Variants in TXNDC9 observed in about 807,000 individuals in gnomAD.
TXNDC9 encodes thioredoxin domain-containing protein 9.
Under a neutral mutation model 23.0 loss-of-function variants are expected in TXNDC9, and 7 were observed. That is an observed-to-expected ratio of 0.30 (90% CI 0.17 to 0.57). TXNDC9 has a LOEUF of 0.57. TXNDC9 is among the 20% of genes least tolerant of loss of function. The probability of loss-of-function intolerance (pLI) is 0.90; values close to 1 mark genes in which losing one functional copy is unlikely to be tolerated. For missense variants in TXNDC9, 198 were observed against 252.6 expected (o/e 0.78, Z 1.47); for synonymous variants, 72 against 90.6 (o/e 0.79, Z 1.17).
chr2:99,333,947 G>C (rs1452675342), intron 1 of TXNDC9, among the ~76,000 whole-genome samples: 2 of 152,052 alleles, frequency 1.3e-5, no homozygotes, highest in African/African-American at 4.8e-5. Flanking sequence ...CTAAATTTTG[G>C]GTTTTTTTCC....
the TXNDC9 span, among the ~76,000 whole-genome samples, chr2:99,309,921 G>T: frequency 1.3e-5 from 2 of 152,002 alleles, no homozygotes; most frequent in Non-Finnish European, 2.9e-5. Flanking sequence ...CTGACCTTAG[G>T]TGATCCACCT....
At chr2:99,316,484 A>G (rs1045860285), downstream of TXNDC9, among the ~76,000 whole-genome samples, 3 of 151,996 alleles carry the variant, frequency 2.0e-5, no homozygotes, top group African/African-American at 7.2e-5. Flanking sequence ...GTTTTCTTAT[A>G]CACAATGAGT....
intron 4 of TXNDC9, among the ~76,000 whole-genome samples, chr2:99,320,095 G>C (rs1281932582): frequency 6.6e-6 from 1 of 152,124 alleles, no homozygotes; most frequent in Non-Finnish European, 1.5e-5. Flanking sequence ...GCAACCTCCA[G>C]TTCCTGGGCT....
intron 3 of TXNDC9, among the ~76,000 whole-genome samples, chr2:99,325,740 G>A (rs1363481373): frequency 6.6e-6 from 1 of 152,258 alleles, no homozygotes. Flanking sequence ...GCCGGGTGCC[G>A]TGGCTCATAC....
In TXNDC9 at chr2:99,323,264, G is replaced by A. The variant is rs557050464; in HGVS notation, c.309-1055C>T. On this transcript the variant is annotated intron_variant, in intron 3 of 4. Transcript: ENST00000264255. ...TCTACTAAAAATACAAAAATTAGCT[G>A]GGTGTGGTGGTGCATGCCTGTAGTC... Among the ~76,000 whole-genome samples, 114 of 151,994 alleles carry A rather than the reference G, an allele frequency of 7.5e-4. 1 individual carries two copies. Among genetic ancestry groups the A allele is most frequent in the African/African-American group, 2.6e-3 (108 of 41,484 alleles).
Position 99,322,301 on chromosome 2 carries a change from T to G in TXNDC9, c.309-92A>C, listed in dbSNP as rs1157570388. ...CATCAAGGGAAATCTAATTATGTAGTTTTTCTGTTGACTCTCATAACATGG... is the reference window on the plus strand; with the variant it reads ...CATCAAGGGAAATCTAATTATGTAGGTTTTCTGTTGACTCTCATAACATGG... On this transcript the variant is annotated intron_variant, in intron 3 of 4. Transcript: ENST00000264255. 5.4e-6 allele frequency: 8 copies of G among 1,484,410 alleles called. No individual in the cohort carries two copies. The African/African-American group carries it at 9.8e-5, about 18-fold the overall frequency. The allele number at this position is 1,484,410 out of a possible 1,614,324, so 92.0% of individuals were successfully genotyped here.
chr2:99,306,438 G>T, the TXNDC9 span, among the ~76,000 whole-genome samples: 23 of 152,270 alleles, frequency 1.5e-4, no homozygotes, highest in Non-Finnish European at 3.4e-4. Context: ...AAAGCAAACA[G>T]CCTGTAGGAA....
chr2:99,327,527 A>C lies in TXNDC9; in HGVS notation c.308+8T>G, dbSNP rs140023296. 111 of 1,590,328 alleles carry C rather than the reference A, an allele frequency of 7.0e-5. No homozygotes were observed. The African/African-American group carries it at 1.2e-3, about 17-fold the overall frequency. On this transcript the variant is annotated splice_region_variant and intron_variant, in intron 3 of 4. Transcript: ENST00000264255. The stretch of plus-strand genomic sequence containing the variant: ...TTTAGAAAAAGTCACAGATGGAAAC[A>C]AAGTTACCTGAATGTGGAGTCTCTG...
chr2:99,322,327 C>T, intron 3 of TXNDC9, 118 bp from the exon 4 acceptor site: 1 of 1,390,652 alleles, frequency 7.2e-7, no homozygotes, highest in South Asian at 1.5e-5. Context: ...CATAACATGG[C>T]AGCCAACTTA....
At chr2:99,310,566 G>A in the TXNDC9 span, among the ~76,000 whole-genome samples, 2 of 152,126 alleles carry the variant, frequency 1.3e-5, no homozygotes, top group Non-Finnish European at 2.9e-5. Flanking sequence ...AAGTTACATG[G>A]CAGAGGAGAC....
intron 1 of TXNDC9, among the ~76,000 whole-genome samples, chr2:99,335,092 G>A (rs1286727097): frequency 6.6e-6 from 1 of 152,232 alleles, no homozygotes; most frequent in Non-Finnish European, 1.5e-5. Flanking sequence ...GCAAGTTTAT[G>A]TGTATCTCAG....
intron 1 of TXNDC9, among the ~76,000 whole-genome samples, chr2:99,334,508 A>G (rs2094233867): frequency 6.6e-6 from 1 of 152,230 alleles, no homozygotes; most frequent in South Asian, 2.1e-4. Flanking sequence ...CATACAGCCT[A>G]TTACTCCTAG....
intron 3 of TXNDC9, among the ~76,000 whole-genome samples, chr2:99,324,690 C>G (rs1042676378): frequency 6.6e-6 from 1 of 152,148 alleles, no homozygotes; most frequent in African/African-American, 2.4e-5. Context: ...TCTCCTGGCT[C>G]AGCCTCCTAA....
At chr2:99,331,527 GAAAGA>G (rs1049090642) in intron 2 of TXNDC9, among the ~76,000 whole-genome samples, 2 of 145,896 alleles carry the variant, frequency 1.4e-5, no homozygotes, top group African/African-American at 5.0e-5. Context: ...AAAAAAAAAA[GAAAGA>G]AAAGAAAAAG....
intron 1 of TXNDC9, among the ~76,000 whole-genome samples, chr2:99,334,333 C>A (rs1167822618): frequency 6.6e-6 from 1 of 152,118 alleles, no homozygotes; most frequent in African/African-American, 2.4e-5. Flanking sequence ...CCACCCTGGG[C>A]AACAGAGCCA....
At position 99,333,087 on chromosome 2, in the gene TXNDC9, C is replaced by T; in HGVS notation, c.124G>A (p.Asp42Asn). Residue 42 changes from aspartate (D) to asparagine (N), a missense_variant, in exon 2 of 5, where the codon GAT (aspartate) becomes AAT (asparagine). Transcript: ENST00000264255. ...EIQKLDQMDE[D>N]ELERLKEKRL... ...TTTTCTTTAAGGCGTTCCAATTCAT[C>T]CTCATCCATCTGATCCAGTTTTTGA... 7 of 1,613,976 alleles carry T rather than the reference C, an allele frequency of 4.3e-6. No homozygotes were observed. Among genetic ancestry groups the T allele is most frequent in the Non-Finnish European group, 5.9e-6 (7 of 1,179,992 alleles).
intron 2 of TXNDC9, among the ~76,000 whole-genome samples, chr2:99,330,290 C>CAAAAAAAAAAAAAAAAACAAAAA (rs2094221760): frequency 3.6e-5 from 1 of 28,160 alleles, no homozygotes; most frequent in Non-Finnish European, 6.0e-5. Flanking sequence ...ACTCTTATCT[C>CAAAAAAAAAAAAAAAAACAAAAA]AAAAAAAAAA....
chr2:99,333,580 ACAAT>A (rs1445331956), intron 1 of TXNDC9, among the ~76,000 whole-genome samples: 7 of 152,232 alleles, frequency 4.6e-5, no homozygotes, highest in Non-Finnish European at 2.9e-5. Flanking sequence ...ATATATACTG[ACAAT>A]CAGTGTTCTT....
downstream of TXNDC9, among the ~76,000 whole-genome samples, chr2:99,317,211 C>T (rs149793941): frequency 2.0e-5 from 3 of 152,186 alleles, no homozygotes; most frequent in African/African-American, 7.2e-5. Context: ...ACCTATTGAC[C>T]CTCTCAGTTT....
Sources: gnomAD v4.1 joint callset for allele counts (sites outside exome capture counted in the v4.1 genomes callset) on GRCh38, gnomAD v4.1.1 for gene constraint, MANE v1.5 for transcripts, NCBI Gene and HGNC (gene_info 2026-07-23, HGNC 2026-07-21) for gene names.